MYBPC2: variants seen among roughly 807,000 people sequenced by gnomAD.
MYBPC2 encodes the protein myosin binding protein C2, also known as myosin-binding protein C, fast-type.
MYBPC2 carries 122 observed loss-of-function variants against 137.0 expected under a neutral mutation model. That is an observed-to-expected ratio of 0.89 (90% CI 0.77 to 1.03). The LOEUF is 1.03. Ranked by LOEUF, MYBPC2 falls within the 50% of genes least tolerant of loss-of-function variation. The pLI, the probability that MYBPC2 is intolerant of heterozygous loss-of-function variation, is 0.00. For missense variants in MYBPC2, 1,500 were observed against 1,534.4 expected, an observed-to-expected ratio of 0.98 and a Z score of 0.37; for synonymous variants, 626 against 612.3, an observed-to-expected ratio of 1.02 and a Z score of -0.33.
At position 50,459,173 on chromosome 19, in the gene MYBPC2, G is replaced by A. The variant is rs755825955; in HGVS notation, c.2658G>A (p.Val886=). ...GGGCCCCGCTGGACACCTCCCGCGT[G>A]CACGTGCGGACCAGCGACTTCGACA... ...KGGAPLDTSR[V]HVRTSDFDTV... The change falls in exon 23 of 28, where the codon GTG becomes GTA. Residue 886 remains valine (V), a synonymous_variant. Transcript: ENST00000357701. 1.2e-4 allele frequency: 197 copies of A among 1,605,506 alleles called. No individual in the cohort carries two copies. Among genetic ancestry groups the A allele is most frequent in the Middle Eastern group, 6.6e-4 (4 of 6,070 alleles).
At chr19:50,436,381 T>C (rs10406518) in intron 4 of MYBPC2, among the ~76,000 whole-genome samples, 1,781 of 152,170 alleles carry the variant, frequency 0.012, 45 homozygotes, top group African/African-American at 0.041. Context: ...GGCTTGGTCA[T>C]GTACATTCCT....
intron 13 of MYBPC2, among the ~76,000 whole-genome samples, chr19:50,449,981 C>A (rs535451336): frequency 6.6e-6 from 1 of 151,882 alleles, no homozygotes; most frequent in African/African-American, 2.4e-5. Context: ...CATGGTGAAA[C>A]CCCCATCTCT....
chr19:50,459,371 A>G (rs1601296812), intron 23 of MYBPC2, 65 bp downstream of exon 23: 1 of 595,172 alleles, frequency 1.7e-6, no homozygotes. Context: ...ATGGGGGAGG[A>G]GGTAAGAGAT....
intron 5 of MYBPC2, 68 bp downstream of exon 5, chr19:50,436,802 A>G (rs1210613630): frequency 1.4e-6 from 2 of 1,455,284 alleles, no homozygotes; most frequent in South Asian, 1.2e-5. Flanking sequence ...TGTACCAGCC[A>G]GGTGTTGGGA....
chr19:50,463,269 C>T (rs2039986585), intron 26 of MYBPC2, among the ~76,000 whole-genome samples: 1 of 152,208 alleles, frequency 6.6e-6, no homozygotes, highest in Admixed American at 6.5e-5. Flanking sequence ...CCCAAAAAGC[C>T]TGAATTATTT....
At chr19:50,459,959 G>A in intron 23 of MYBPC2, 81 bp from the exon 24 acceptor site, 1 of 1,528,866 alleles carries the variant, frequency 6.5e-7, no homozygotes, top group Non-Finnish European at 8.9e-7. Flanking sequence ...TCAGGAGGGA[G>A]GGGGTGTGGA....
intron 20 of MYBPC2, among the ~76,000 whole-genome samples, chr19:50,457,653 A>G (rs2039925600): frequency 6.7e-6 from 1 of 148,958 alleles, no homozygotes; most frequent in Non-Finnish European, 1.5e-5. Flanking sequence ...CTGGGATTAC[A>G]GGCATGAGCC....
At chr19:50,438,823 G>A (rs925445984) in intron 7 of MYBPC2, among the ~76,000 whole-genome samples, 4 of 151,996 alleles carry the variant, frequency 2.6e-5, no homozygotes, top group African/African-American at 7.3e-5. Context: ...CCATGATCGC[G>A]CCACTGCACT....
At chr19:50,436,577 G>A (rs777532944) in intron 4 of MYBPC2, 40 bp from the exon 5 acceptor site, 87 of 1,552,940 alleles carry the variant, frequency 5.6e-5, no homozygotes, top group Non-Finnish European at 6.7e-5. Flanking sequence ...TGGCTCTAGA[G>A]GGTGGTCCCG....
At chr19:50,449,345 G>T (rs1601289317) in intron 13 of MYBPC2, among the ~76,000 whole-genome samples, 1 of 152,184 alleles carries the variant, frequency 6.6e-6, no homozygotes, top group Admixed American at 6.5e-5. Context: ...GGGACAGCTG[G>T]GCGCCCAGCA....
chr19:50,436,675 G>A lies in MYBPC2; in HGVS notation c.404G>A (p.Arg135His), dbSNP rs373378823. The change falls in exon 5 of 28, where the codon CGC (arginine) becomes CAC (histidine). Residue 135 changes from arginine to histidine, a missense_variant. Physicochemically the swap from Arg to His is conservative, Grantham distance 29 (BLOSUM62 0). Transcript: ENST00000357701. ...GTACTGGGGGACCGTGGGTATTACC[G>A]CCTCGAGGTCAAAGCCAAGGACACC... ...KVVLGDRGYYRLEVKAKDTCD... is the reference protein window; with the variant it reads ...KVVLGDRGYYHLEVKAKDTCD... The A allele has an allele frequency of 3.8e-5, 61 of 1,613,818 alleles. No individual in the cohort carries two copies. The highest frequency in any genetic ancestry group is 1.3e-4 in the African/African-American group (10 of 74,912).
Position 50,458,774 on chromosome 19 carries a change from G to T in MYBPC2, c.2506+20G>T, listed in dbSNP as rs770233502. ...TTGCGGGTGCGTGGCCCCTGACCCT[G>T]CGCTCCGAAAGACCAAGCTGGCGTC... On this transcript the variant is annotated intron_variant, in intron 21 of 27. Coordinates refer to ENST00000357701, the MANE Select transcript of MYBPC2 (RefSeq NM_004533.4). 6.2e-7 allele frequency: 1 copy of T among 1,605,464 alleles called. No homozygotes were observed. The highest frequency in any genetic ancestry group is 1.1e-5 in the South Asian group (1 of 90,918).
intron 23 of MYBPC2, 102 bp from the exon 24 acceptor site, chr19:50,459,938 A>G: frequency 6.8e-7 from 1 of 1,463,396 alleles, no homozygotes; most frequent in South Asian, 1.2e-5. Context: ...GGGGCATAAG[A>G]GAGGTTAGAA....
intron 13 of MYBPC2, among the ~76,000 whole-genome samples, chr19:50,450,400 C>T (rs899216962): frequency 6.6e-6 from 1 of 151,860 alleles, no homozygotes; most frequent in Non-Finnish European, 1.5e-5. Context: ...AGATTACAGG[C>T]GTGAGCCACC....
At chr19:50,458,780 C>T (rs564222322) in intron 21 of MYBPC2, 26 bp downstream of exon 21, 42 of 1,605,024 alleles carry the variant, frequency 2.6e-5, no homozygotes, top group Non-Finnish European at 3.6e-5. Context: ...CCCTGCGCTC[C>T]GAAAGACCAA....
chr19:50,462,972 G>T (rs73054462), intron 26 of MYBPC2, among the ~76,000 whole-genome samples: 5 of 152,168 alleles, frequency 3.3e-5, no homozygotes, highest in Non-Finnish European at 5.9e-5. Flanking sequence ...AAAAAGAAAC[G>T]TTGGGAGCAG....
chr19:50,433,610 G>T (rs925641325), intron 1 of MYBPC2, among the ~76,000 whole-genome samples: 22 of 152,006 alleles, frequency 1.4e-4, no homozygotes, highest in African/African-American at 5.1e-4. Flanking sequence ...GACCAGGCTG[G>T]TCTCAAACCC....
intron 7 of MYBPC2, among the ~76,000 whole-genome samples, chr19:50,440,259 A>T (rs2039738463): frequency 6.6e-6 from 1 of 152,010 alleles, no homozygotes; most frequent in Non-Finnish European, 1.5e-5. Context: ...AATCTCACAA[A>T]TCACTACCAA....
chr19:50,456,572 A>G (rs1261266950), intron 20 of MYBPC2, among the ~76,000 whole-genome samples: 1 of 151,960 alleles, frequency 6.6e-6, no homozygotes, highest in Non-Finnish European at 1.5e-5. Context: ...CTGGGACTAC[A>G]GATGCCTGCA....
Sources: gnomAD v4.1 joint callset for allele counts (sites outside exome capture counted in the v4.1 genomes callset) on GRCh38, gnomAD v4.1.1 for gene constraint, MANE v1.5 for transcripts, NCBI Gene and HGNC (gene_info 2026-07-23, HGNC 2026-07-21) for gene names.